SPIDR: variants seen among roughly 807,000 people sequenced by gnomAD.
SPIDR encodes DNA repair-scaffolding protein.
SPIDR carries 93 observed loss-of-function variants against 104.6 expected under a neutral mutation model. That is an observed-to-expected ratio of 0.89 (90% CI 0.75 to 1.06). SPIDR has a LOEUF of 1.06. Among genes scored for constraint, SPIDR ranks in the 50% least tolerant of loss-of-function variants. The probability of loss-of-function intolerance (pLI) is 0.00; values close to 1 mark genes in which losing one functional copy is unlikely to be tolerated. For synonymous variants in SPIDR, 431 were observed against 416.9 expected (o/e 1.03, Z -0.41); for missense variants, 1,154 against 1,111.2 (o/e 1.04, Z -0.55).
rs561241117 is a variant in SPIDR, at chr8:47,589,073, A to T, written c.1098-6738A>T. Among the ~76,000 whole-genome samples the T allele has an allele frequency of 1.0e-4, 14 of 137,942 alleles. No individual in the cohort carries two copies. In the East Asian group the frequency reaches 2.9e-3, roughly 28 times the overall value. The allele number at this position is 137,942 out of a possible 152,430, so 90.5% of individuals were successfully genotyped here. ...TGTCTTTGGTTTTAGTATCAGAGTA[A>T]TACTTGCTTTATAAAAGGGATTGGA... On this transcript the variant is annotated intron_variant, in intron 8 of 19. Coordinates refer to ENST00000297423, the MANE Select transcript of SPIDR (RefSeq NM_001080394.4).
At chr8:47,280,045 T>C (rs2037399048) in intron 2 of SPIDR, 28 bp downstream of exon 2, 1 of 1,603,208 alleles carries the variant, frequency 6.2e-7, no homozygotes, top group African/African-American at 1.3e-5. Context: ...TTGTTTTCCC[T>C]GAATGCCAAA....
At chr8:47,276,208 T>G (rs1426029329) in intron 1 of SPIDR, among the ~76,000 whole-genome samples, 1 of 152,226 alleles carries the variant, frequency 6.6e-6, no homozygotes, top group East Asian at 1.9e-4. Flanking sequence ...TGTAAATATT[T>G]AGACACACAT....
intron 8 of SPIDR, among the ~76,000 whole-genome samples, chr8:47,589,522 C>A (rs2060735378): frequency 6.7e-6 from 1 of 150,056 alleles, no homozygotes; most frequent in African/African-American, 2.5e-5. Context: ...ATGACTCCAT[C>A]TCAAAACAAA....
At chr8:47,642,451 T>C (rs1023524838) in intron 10 of SPIDR, among the ~76,000 whole-genome samples, 1 of 150,894 alleles carries the variant, frequency 6.6e-6, no homozygotes, top group Non-Finnish European at 1.5e-5. Flanking sequence ...ATTCGACATG[T>C]GCTTGCTATG....
At chr8:47,337,477 C>T (rs577103547) in intron 5 of SPIDR, among the ~76,000 whole-genome samples, 200 of 152,078 alleles carry the variant, frequency 1.3e-3, no homozygotes, top group Middle Eastern at 0.01. Context: ...CGTATGTATT[C>T]GGTGTACAAG....
At chr8:47,528,831 A>G (rs1029669628) in intron 8 of SPIDR, among the ~76,000 whole-genome samples, 1 of 152,196 alleles carries the variant, frequency 6.6e-6, no homozygotes, top group Non-Finnish European at 1.5e-5. Context: ...AGGGTATGGC[A>G]TATGTGTAAT....
intron 5 of SPIDR, among the ~76,000 whole-genome samples, chr8:47,305,464 T>A (rs1168948613): frequency 6.6e-6 from 1 of 152,158 alleles, no homozygotes; most frequent in Admixed American, 6.5e-5. Flanking sequence ...ATTTTGTTTG[T>A]ATTCTTATCA....
At chr8:47,642,244 A>G (rs1237714753) in intron 10 of SPIDR, among the ~76,000 whole-genome samples, 2 of 151,774 alleles carry the variant, frequency 1.3e-5, no homozygotes, top group Admixed American at 1.3e-4. Context: ...TAACACGGTA[A>G]AACTAAACTA....
At chr8:47,485,589 G>A (rs782566178) in intron 8 of SPIDR, among the ~76,000 whole-genome samples, 16 of 152,226 alleles carry the variant, frequency 1.1e-4, no homozygotes, top group Non-Finnish European at 2.2e-4. Flanking sequence ...TAGCCTAACT[G>A]GGAGGCACCC....
In SPIDR at chr8:47,440,434, A is replaced by T. The variant is rs1471217674; in HGVS notation, c.989A>T (p.Gln330Leu). The T allele has an allele frequency of 6.2e-7, 1 of 1,614,074 alleles. No individual in the cohort carries two copies. Among genetic ancestry groups the T allele is most frequent in the Admixed American group, 1.7e-5 (1 of 60,008 alleles). The change falls in exon 8 of 20, where the codon CAA becomes CTA. Residue 330 changes from glutamine (Q) to leucine (L), a missense_variant. Transcript: ENST00000297423. ...GGGTCACCAGCCACCAGCTCCTCCC[A>T]AAGTGTGGCTCCCAGGCCTGGAGCT... Reference protein sequence around the residue: ...LLGSPATSSSQSVAPRPGAGL... With the variant: ...LLGSPATSSSLSVAPRPGAGL...
At chr8:47,322,035 G>A (rs1375312247) in intron 5 of SPIDR, among the ~76,000 whole-genome samples, 1 of 152,116 alleles carries the variant, frequency 6.6e-6, no homozygotes, top group Non-Finnish European at 1.5e-5. Context: ...ATGGGCATGG[G>A]CAAGGACTTC....
At chr8:47,574,733 G>A (rs765253477) in intron 8 of SPIDR, among the ~76,000 whole-genome samples, 1 of 146,520 alleles carries the variant, frequency 6.8e-6, no homozygotes, top group Non-Finnish European at 1.5e-5. Context: ...GGGCGACAGA[G>A]TAAGACTCGA....
At chr8:47,571,073 G>A (rs549565642) in intron 8 of SPIDR, among the ~76,000 whole-genome samples, 3 of 151,930 alleles carry the variant, frequency 2.0e-5, no homozygotes, top group Admixed American at 6.6e-5. Flanking sequence ...CTTGGGCTAC[G>A]GAGCGAGACT....
Position 47,735,703 on chromosome 8 carries a change from TAA to T in SPIDR, c.*254_*255del. ...ATTTACTCGTTTTCACATTGAATCT[TAA>T]GTTTAAGCTCTTCATTTGGTATTTA... is the stretch of plus-strand genomic sequence containing the variant. On this transcript the variant is annotated 3_prime_UTR_variant, in exon 20 of 20. Coordinates refer to ENST00000297423, the MANE Select transcript of SPIDR (RefSeq NM_001080394.4). 1.2e-6 allele frequency: 1 copy of T among 854,634 alleles called. No individual in the cohort carries two copies. Among genetic ancestry groups the T allele is most frequent in the Non-Finnish European group, 1.7e-6 (1 of 578,134 alleles). The allele number at this position is 854,634 out of a possible 1,614,324, so 52.9% of individuals were successfully genotyped here. A position where few individuals can be genotyped will look rare whatever the true frequency, so the allele number is the denominator to read the frequency against.
At chr8:47,666,266 C>T (rs958504693) in intron 10 of SPIDR, among the ~76,000 whole-genome samples, 2 of 152,202 alleles carry the variant, frequency 1.3e-5, no homozygotes, top group African/African-American at 4.8e-5. Flanking sequence ...CCACATATGG[C>T]TAGTGGCTAC....
chr8:47,673,063 CT>C (rs762914329), intron 10 of SPIDR, among the ~76,000 whole-genome samples: 3 of 152,178 alleles, frequency 2.0e-5, no homozygotes, highest in African/African-American at 4.8e-5. Flanking sequence ...TATTTACTGA[CT>C]ATAATTTCTT....
chr8:47,565,999 T>TTTTTTTA (rs2057784017), intron 8 of SPIDR, among the ~76,000 whole-genome samples: 1 of 88,084 alleles, frequency 1.1e-5, no homozygotes, highest in Non-Finnish European at 2.4e-5. Context: ...TATATTTTTT[T>TTTTTTTA]TTTTTTTTTT....
intron 8 of SPIDR, among the ~76,000 whole-genome samples, chr8:47,552,725 C>T (rs1392340223): frequency 1.3e-5 from 2 of 152,130 alleles, no homozygotes; most frequent in African/African-American, 2.4e-5. Context: ...ATTTGCCAGT[C>T]TGTGTCTTTT....
Position 47,660,715 on chromosome 8 carries a change from G to A in SPIDR, c.1545-13086G>A, listed in dbSNP as rs1233138323. On this transcript the variant is annotated intron_variant, in intron 10 of 19. Transcript: ENST00000297423. ...GCTGTAGCTGAATGATGAGGTCACC[G>A]TCATAAGGCCGCATCTATGTGAAAT... 2.0e-5 allele frequency among the ~76,000 whole-genome samples: 3 copies of A among 152,174 alleles called. No individual in the cohort carries two copies. In the South Asian group the frequency reaches 6.2e-4, roughly 31 times the overall value.
Sources: gnomAD v4.1 joint callset for allele counts (sites outside exome capture counted in the v4.1 genomes callset) on GRCh38, gnomAD v4.1.1 for gene constraint, MANE v1.5 for transcripts, NCBI Gene and HGNC (gene_info 2026-07-23, HGNC 2026-07-21) for gene names.